ARHGAP44: variants seen among roughly 807,000 people sequenced by gnomAD.
ARHGAP44 encodes rho GTPase-activating protein 44.
Under a neutral mutation model 106.8 loss-of-function variants are expected in ARHGAP44, and 43 were observed. The ratio of observed to expected loss-of-function variants is 0.40; its 90% CI spans 0.32 to 0.52. The LOEUF (loss-of-function observed/expected upper bound fraction) is 0.52. Ranked by LOEUF, ARHGAP44 falls within the 20% of genes least tolerant of loss-of-function variation. ARHGAP44 has a pLI of 0.48. For missense variants in ARHGAP44, 866 were observed against 1,050.5 expected (o/e 0.82, Z 2.43); for synonymous variants, 439 against 410.3 (o/e 1.07, Z -0.85).
At chr17:12,802,383 G>A (rs2034119806) in intron 1 of ARHGAP44, among the ~76,000 whole-genome samples, 1 of 152,178 alleles carries the variant, frequency 6.6e-6, no homozygotes, top group Non-Finnish European at 1.5e-5. Context: ...CAGGGCAAAG[G>A]ACAGTGTCGT....
chr17:12,922,968 G>A (rs1386274926), intron 6 of ARHGAP44, among the ~76,000 whole-genome samples: 3 of 152,108 alleles, frequency 2.0e-5, no homozygotes, highest in Non-Finnish European at 4.4e-5. Flanking sequence ...TATATCTTCA[G>A]CTTATCATCT....
chr17:12,798,946 G>T (rs78509639), intron 1 of ARHGAP44, among the ~76,000 whole-genome samples: 1 of 152,066 alleles, frequency 6.6e-6, no homozygotes, highest in Admixed American at 6.5e-5. Flanking sequence ...TGATAGAAAA[G>T]CATTCATTAT....
At chr17:12,802,191 A>G (rs1378472681) in intron 1 of ARHGAP44, among the ~76,000 whole-genome samples, 2 of 152,234 alleles carry the variant, frequency 1.3e-5, no homozygotes, top group Non-Finnish European at 2.9e-5. Context: ...GGTCTGTATG[A>G]CACATAGCTG....
intron 1 of ARHGAP44, chr17:12,790,258 A>G: frequency 4.3e-6 from 1 of 233,166 alleles, no homozygotes; most frequent in Non-Finnish European, 8.3e-6. Flanking sequence ...TGCTGGAGGC[A>G]GCCGAACCGC....
intron 1 of ARHGAP44, among the ~76,000 whole-genome samples, chr17:12,828,887 C>T (rs2035006463): frequency 1.3e-5 from 2 of 151,788 alleles, no homozygotes; most frequent in Admixed American, 1.3e-4. Context: ...GTGATCCGCC[C>T]ACCTCGGCCT....
At chr17:12,814,253 T>G (rs1470392899) in intron 1 of ARHGAP44, among the ~76,000 whole-genome samples, 2 of 147,180 alleles carry the variant, frequency 1.4e-5, no homozygotes, top group African/African-American at 5.1e-5. Context: ...TTTTTTTTTT[T>G]TTTTTGAGAT....
At chr17:12,835,530 A>G (rs1183144365) in intron 1 of ARHGAP44, among the ~76,000 whole-genome samples, 1 of 152,152 alleles carries the variant, frequency 6.6e-6, no homozygotes, top group Non-Finnish European at 1.5e-5. Context: ...TAAAATGAGT[A>G]TTTGTGATTT....
rs564691983 is a variant in ARHGAP44, at chr17:12,896,399, C to T, written c.94-8C>T. The T allele has an allele frequency of 8.1e-5, 128 of 1,587,766 alleles. No individual in the cohort carries two copies. In the East Asian group the frequency reaches 2.9e-3, roughly 36 times the overall value. ...TCTCAGTGGCACCACCCGCTCTTCT[C>T]TCTGCAGGTGGAGAAGCGTCTGGAG... On this transcript the variant is annotated splice_region_variant and splice_polypyrimidine_tract_variant and intron_variant, in intron 2 of 20. Coordinates refer to ENST00000379672, the MANE Select transcript of ARHGAP44 (RefSeq NM_014859.6).
intron 17 of ARHGAP44, 94 bp from the exon 18 acceptor site, chr17:12,973,995 C>T: frequency 2.3e-6 from 3 of 1,318,126 alleles, no homozygotes; most frequent in Non-Finnish European, 3.2e-6. Flanking sequence ...CGCTGCTCTT[C>T]TCCCAACGCG....
chr17:12,832,852 A>G (rs1049254275), intron 1 of ARHGAP44, among the ~76,000 whole-genome samples: 14 of 152,242 alleles, frequency 9.2e-5, no homozygotes, highest in Non-Finnish European at 1.0e-4. Context: ...GTCTGTAAAG[A>G]TCATTCTGGA....
At position 12,890,682 on chromosome 17, in the gene ARHGAP44, T is replaced by C. The variant is rs375483235; in HGVS notation, c.54-4258T>C. On this transcript the variant is annotated intron_variant, in intron 1 of 20. Coordinates refer to ENST00000379672, the MANE Select transcript of ARHGAP44 (RefSeq NM_014859.6). ...GCTTCCTGCTATCCATGCTAAGCCT[T>C]TTCTCAAAGGGGACACTTGGCACAT... Among the ~76,000 whole-genome samples, 4 of 152,308 alleles carry C rather than the reference T, an allele frequency of 2.6e-5. No individual in the cohort carries two copies. In the South Asian group the frequency reaches 6.2e-4, roughly 24 times the overall value.
At chr17:12,881,816 C>G (rs989090500) in intron 1 of ARHGAP44, among the ~76,000 whole-genome samples, 2 of 152,120 alleles carry the variant, frequency 1.3e-5, no homozygotes, top group African/African-American at 4.8e-5. Flanking sequence ...GCCTCAGCCT[C>G]TTGAGCAGCT....
rs905578463 is a variant in ARHGAP44, at chr17:12,949,854, G to C, written c.1055+124G>C. Reference sequence around the variant, plus strand: ...GTTTCTTGATCTCTGCCATGAAGGAGTGCTTATACATTTGCCCAAGGAGGC... The same window carrying C: ...GTTTCTTGATCTCTGCCATGAAGGACTGCTTATACATTTGCCCAAGGAGGC... On this transcript the variant is annotated intron_variant, in intron 12 of 20. Transcript: ENST00000379672. The surrounding 1 kb of genome is among the most constrained non-coding windows in gnomAD (Gnocchi z 4.1). The C allele has an allele frequency of 7.5e-6, 7 of 927,988 alleles. No homozygotes were observed. In the Admixed American group the frequency reaches 9.7e-5, roughly 13 times the overall value. 57.5% of individuals were successfully genotyped at this position (927,988 alleles called of 1,614,324 possible).
chr17:12,908,393 C>T (rs1406151170), intron 3 of ARHGAP44, among the ~76,000 whole-genome samples: 1 of 152,040 alleles, frequency 6.6e-6, no homozygotes, highest in Non-Finnish European at 1.5e-5. Context: ...GACGGGCTTT[C>T]ACCATGTTGG....
At chr17:12,844,000 A>C (rs1306636615) in intron 1 of ARHGAP44, among the ~76,000 whole-genome samples, 1 of 152,120 alleles carries the variant, frequency 6.6e-6, no homozygotes, top group Non-Finnish European at 1.5e-5. Flanking sequence ...CTCAAACTCA[A>C]AACTCTGTCT....
intron 6 of ARHGAP44, among the ~76,000 whole-genome samples, chr17:12,926,769 A>G (rs1002302475): frequency 6.6e-6 from 1 of 151,916 alleles, no homozygotes; most frequent in East Asian, 1.9e-4. Flanking sequence ...AAGCCATAAA[A>G]ATCTACTTAG....
At chr17:12,838,629 A>G (rs1197479356) in intron 1 of ARHGAP44, among the ~76,000 whole-genome samples, 1 of 152,164 alleles carries the variant, frequency 6.6e-6, no homozygotes, top group Non-Finnish European at 1.5e-5. Flanking sequence ...GTTTGAGTGC[A>G]GGAAGATTTG....
At chr17:12,963,663 C>T (rs536311633) in intron 16 of ARHGAP44, among the ~76,000 whole-genome samples, 1 of 152,024 alleles carries the variant, frequency 6.6e-6, no homozygotes, top group South Asian at 2.1e-4. Flanking sequence ...GTCGGCCTTG[C>T]ACCAGTGCCG....
chr17:12,904,072 A>G (rs1192296899), intron 3 of ARHGAP44, among the ~76,000 whole-genome samples: 3 of 151,764 alleles, frequency 2.0e-5, no homozygotes, highest in Admixed American at 6.6e-5. Context: ...TTCTCTTGTC[A>G]TTTGGTGGCT....
Sources: allele counts gnomAD v4.1 joint callset (sites outside exome capture counted in the v4.1 genomes callset), GRCh38; gene constraint gnomAD v4.1.1; non-coding constraint Gnocchi (gnomAD v3.1); transcripts MANE v1.5; gene names NCBI Gene and HGNC (gene_info 2026-07-23, HGNC 2026-07-21).